The following CDCA7L variants were observed in gnomAD, a reference collection of about 807,000 sequenced individuals.
CDCA7L encodes cell division cycle-associated 7-like protein.
In CDCA7L, 44 loss-of-function variants were observed where a neutral mutation model predicts 57.4. The observed-to-expected ratio is 0.77, with a 90% CI of 0.60 to 0.98. CDCA7L has a LOEUF of 0.98. Ranked by LOEUF, CDCA7L falls within the 50% of genes least tolerant of loss-of-function variation. CDCA7L has a pLI of 0.00. For synonymous variants in CDCA7L, 236 were observed against 202.8 expected, an observed-to-expected ratio of 1.16 and a Z score of -1.39; for missense variants, 644 against 580.6, an observed-to-expected ratio of 1.11 and a Z score of -1.12.
chr7:21,904,280 G>A (rs772358025), intron 7 of CDCA7L, 21 bp from the exon 8 acceptor site: 2 of 1,579,866 alleles, frequency 1.3e-6, no homozygotes, highest in African/African-American at 2.7e-5. Flanking sequence ...AAGGCAGTGA[G>A]CAGGTGAACA....
In CDCA7L at chr7:21,926,423, AT is replaced by A. The variant is rs567882883; in HGVS notation, c.25-9530del. 9.3e-4 allele frequency among the ~76,000 whole-genome samples: 141 copies of A among 152,346 alleles called. 2 individuals are homozygous for A. The highest frequency in any genetic ancestry group is 2.7e-3 in the South Asian group (13 of 4,826). ...AATAAGGATCTACTATCTAGAATAT[AT>A]AAAGATTTCTTACAACTCAAGAAAA... On this transcript the variant is annotated intron_variant, in intron 1 of 9. Coordinates refer to ENST00000406877, the MANE Select transcript of CDCA7L (RefSeq NM_018719.5).
intron 4 of CDCA7L, 102 bp downstream of exon 4, chr7:21,908,028 A>G: frequency 7.5e-7 from 1 of 1,325,578 alleles, no homozygotes; most frequent in Non-Finnish European, 1.0e-6. Flanking sequence ...GACAGAAGCC[A>G]AAGCAACAGC....
At chr7:21,935,599 A>G (rs539004728) in intron 1 of CDCA7L, among the ~76,000 whole-genome samples, 2 of 3,034 alleles carry the variant, frequency 6.6e-4, no homozygotes, top group African/African-American at 1.0e-3. Flanking sequence ...TTATTCTTTG[A>G]AAAAAAAAAT....
rs145238615 is a variant in CDCA7L, at chr7:21,906,435, C to G, written c.775G>C (p.Ala259Pro). The G allele has an allele frequency of 1.9e-6, 3 of 1,610,514 alleles. No individual in the cohort carries two copies. The highest frequency in any genetic ancestry group is 2.2e-5 in the East Asian group (1 of 44,800). Residue 259 changes from alanine (A) to proline (P), a missense_variant, in exon 6 of 10, where the codon GCC (alanine) becomes CCC (proline). Ala to Pro is a conservative substitution (Grantham distance 27). Coordinates refer to ENST00000406877, the MANE Select transcript of CDCA7L (RefSeq NM_018719.5). Reference sequence around the variant, plus strand: ...CGCGTGATCTGTCCCTCCGAGAAGGCCCGCCTCACTGTCTTCTTCCTCTGA... The same window carrying G: ...CGCGTGATCTGTCCCTCCGAGAAGGGCCGCCTCACTGTCTTCTTCCTCTGA... ...SASRKKTVRR[A>P]FSEGQITRRM...
intron 3 of CDCA7L, among the ~76,000 whole-genome samples, chr7:21,909,234 G>A (rs749081553): frequency 1.3e-5 from 2 of 152,160 alleles, no homozygotes; most frequent in Admixed American, 6.6e-5. Context: ...AATATGGAAG[G>A]CAGTAACAGG....
rs144336102 is a variant in CDCA7L at position 21,941,093 on chromosome 7, A to G, written c.24+4688T>C. Among the ~76,000 whole-genome samples, 821 of 152,316 alleles carry G rather than the reference A, an allele frequency of 5.4e-3. 6 individuals are homozygous for G. Among genetic ancestry groups the G allele is most frequent in the African/African-American group, 0.019 (775 of 41,568 alleles). On this transcript the variant is annotated intron_variant, in intron 1 of 9. Coordinates refer to ENST00000406877, the MANE Select transcript of CDCA7L (RefSeq NM_018719.5). ...CTCCTAACCATTGAAAATCAGGCAC[A>G]TTCCCTTTATGAGATATTAAATACA...
chr7:21,907,059 G>A (rs930821842), intron 4 of CDCA7L, among the ~76,000 whole-genome samples: 4 of 152,144 alleles, frequency 2.6e-5, no homozygotes, highest in Admixed American at 2.6e-4. Flanking sequence ...TGGTTATTTA[G>A]AACTCCAAAA....
rs56701381 is a variant in CDCA7L, at chr7:21,930,697, C to CAAAA, written c.25-13807_25-13804dup. On this transcript the variant is annotated intron_variant, in intron 1 of 9. Coordinates refer to ENST00000406877, the MANE Select transcript of CDCA7L (RefSeq NM_018719.5). ...CCGGCAACAGTGCAAGACTCCGTCT[C>CAAAA]AAAAAAAAAAAAAAAAAAAAAAAAA... is the stretch of plus-strand genomic sequence containing the variant. Among the ~76,000 whole-genome samples, 31 of 51,806 alleles carry CAAAA rather than the reference C, an allele frequency of 6.0e-4. 6 individuals carry two copies. The highest frequency in any genetic ancestry group is 1.6e-3 in the African/African-American group (19 of 11,988). The allele number at this position is 51,806 out of a possible 152,430, so 34.0% of individuals were successfully genotyped here. A position where few individuals can be genotyped will look rare whatever the true frequency, so the allele number is the denominator to read the frequency against.
intron 1 of CDCA7L, among the ~76,000 whole-genome samples, chr7:21,935,125 G>C (rs1261275800): frequency 6.6e-6 from 1 of 152,038 alleles, no homozygotes; most frequent in Non-Finnish European, 1.5e-5. Context: ...AAATTTTCCA[G>C]GACACACTAT....
In CDCA7L at chr7:21,906,590, A is replaced by G. The variant is rs200458641; in HGVS notation, c.731T>C (p.Val244Ala). The G allele has an allele frequency of 1.2e-3, 1,861 of 1,614,156 alleles. 41 individuals are homozygous for G. The South Asian group carries it at 0.019, about 16-fold the overall frequency. ...ELNSMPDFFP[V>A]RTPTSASRKK... ...TACAGAAGCTGAGGTTGGGGTTCGT[A>G]CTGGGAAGAAATCTGGCATCGAGTT... The change falls in exon 5 of 10, where the codon GTA becomes GCA. Residue 244 changes from valine (V) to alanine (A), a missense_variant. Val to Ala is a moderately conservative substitution (Grantham distance 64). Coordinates refer to ENST00000406877, the MANE Select transcript of CDCA7L (RefSeq NM_018719.5).
chr7:21,938,802 C>T (rs142084290), intron 1 of CDCA7L, among the ~76,000 whole-genome samples: 1,806 of 152,180 alleles, frequency 0.012, 37 homozygotes, highest in African/African-American at 0.041. Flanking sequence ...CCCAGGAGTT[C>T]AAGACCAACC....
rs937934963 is a variant in CDCA7L at position 21,906,730 on chromosome 7, C to G, written c.682-91G>C. On this transcript the variant is annotated intron_variant, in intron 4 of 9. Coordinates refer to ENST00000406877, the MANE Select transcript of CDCA7L (RefSeq NM_018719.5). ...CTATCTCAAGTCTTCCATTTTGCCACCATAAGAAACCTAACTTGAATAGTT... is the reference window on the plus strand; with the variant it reads ...CTATCTCAAGTCTTCCATTTTGCCAGCATAAGAAACCTAACTTGAATAGTT... The G allele has an allele frequency of 1.2e-5, 14 of 1,165,428 alleles. 1 individual carries two copies. The African/African-American group carries it at 2.1e-4, about 18-fold the overall frequency. 72.2% of individuals were successfully genotyped at this position (1,165,428 alleles called of 1,614,324 possible). A position where few individuals can be genotyped will look rare whatever the true frequency, so the allele number is the denominator to read the frequency against.
At chr7:21,926,484 T>C (rs1038405402) in intron 1 of CDCA7L, among the ~76,000 whole-genome samples, 3 of 152,164 alleles carry the variant, frequency 2.0e-5, no homozygotes, top group Admixed American at 6.5e-5. Context: ...GGTGAAGAAT[T>C]TGAACAGACC....
At chr7:21,934,222 G>T (rs1019053420) in intron 1 of CDCA7L, among the ~76,000 whole-genome samples, 1 of 152,104 alleles carries the variant, frequency 6.6e-6, no homozygotes, top group African/African-American at 2.4e-5. Flanking sequence ...AAATACTTAC[G>T]AATCTGTTCA....
chr7:21,905,583 G>A lies in CDCA7L; in HGVS notation c.970C>T (p.Pro324Ser). ...TCCTCTTCGGTGATATCCTCCACTG[G>A]CCGAAAAGAAGATATACGGTGACGT... ...RRRHRISSFRPVEDITEEDLE... is the reference protein window; with the variant it reads ...RRRHRISSFRSVEDITEEDLE... The change falls in exon 7 of 10, where the codon CCA (proline) becomes TCA (serine). Residue 324 changes from proline (P) to serine (S), a missense_variant. By Grantham distance (74) the Pro-to-Ser change is moderately conservative. Coordinates refer to ENST00000406877, the MANE Select transcript of CDCA7L (RefSeq NM_018719.5). The A allele has an allele frequency of 6.2e-7, 1 of 1,613,818 alleles. No homozygotes were observed. Among genetic ancestry groups the A allele is most frequent in the South Asian group, 1.1e-5 (1 of 91,074 alleles).
At chr7:21,937,338 T>TA (rs1413853481) in intron 1 of CDCA7L, among the ~76,000 whole-genome samples, 2 of 152,008 alleles carry the variant, frequency 1.3e-5, no homozygotes, top group Non-Finnish European at 2.9e-5. Context: ...AAAACAATCT[T>TA]AAAAAAGAAG....
chr7:21,919,081 G>A (rs1303662478), intron 1 of CDCA7L, among the ~76,000 whole-genome samples: 1 of 152,028 alleles, frequency 6.6e-6, no homozygotes, highest in Non-Finnish European at 1.5e-5. Flanking sequence ...GCCTCCCAAA[G>A]TGCTGGGATT....
intron 2 of CDCA7L, 50 bp from the exon 3 acceptor site, chr7:21,911,804 AC>A: frequency 6.4e-7 from 1 of 1,563,564 alleles, no homozygotes; most frequent in Non-Finnish European, 8.7e-7. Flanking sequence ...AATAGAGGTT[AC>A]CAGGGAAGGG....
intron 1 of CDCA7L, among the ~76,000 whole-genome samples, chr7:21,919,533 G>A (rs537572369): frequency 5.9e-5 from 9 of 152,106 alleles, no homozygotes; most frequent in South Asian, 2.1e-4. Context: ...AATGCATCTC[G>A]GTTAATTAAG....
Sources: gnomAD v4.1 joint callset for allele counts (sites outside exome capture counted in the v4.1 genomes callset) on GRCh38, gnomAD v4.1.1 for gene constraint, MANE v1.5 for transcripts, NCBI Gene and HGNC (gene_info 2026-07-23, HGNC 2026-07-21) for gene names.